The following GLRA3 variants were observed in gnomAD, a reference collection of about 807,000 sequenced individuals.
GLRA3 encodes glycine receptor subunit alpha-3.
A neutral mutation model predicts 60.4 loss-of-function variants in GLRA3; 44 were observed. That is an observed-to-expected ratio of 0.73 (90% CI 0.57 to 0.94). GLRA3 has a LOEUF of 0.94. GLRA3 is among the 40% of genes least tolerant of loss of function. The pLI, the probability that GLRA3 is intolerant of heterozygous loss-of-function variation, is 0.00. For missense variants in GLRA3, 508 were observed against 564.6 expected, an observed-to-expected ratio of 0.90 and a Z score of 1.02; for synonymous variants, 223 against 192.9, an observed-to-expected ratio of 1.16 and a Z score of -1.29.
rs1732676751 is a variant in GLRA3, at chr4:174,643,147, CTT to C, written c.*637_*638del. 2.4e-5 allele frequency: 21 copies of C among 871,308 alleles called. No individual in the cohort carries two copies. Among genetic ancestry groups the C allele is most frequent in the Non-Finnish European group, 2.9e-5 (21 of 726,892 alleles). The allele number at this position is 871,308 out of a possible 1,614,324, so 54.0% of individuals were successfully genotyped here. ...GTAGATTGTGACTGTAACACGATCT[CTT>C]GTTATTTGTTTTAAATTTGCACAGA... On this transcript the variant is annotated 3_prime_UTR_variant, in exon 10 of 10. Coordinates refer to ENST00000274093, the MANE Select transcript of GLRA3 (RefSeq NM_006529.4).
chr4:174,684,845 TA>T (rs1159610713), intron 5 of GLRA3, among the ~76,000 whole-genome samples: 2 of 151,988 alleles, frequency 1.3e-5, no homozygotes, highest in African/African-American at 4.8e-5. Context: ...CCGTTTCTAC[TA>T]AAAAACACAA....
chr4:174,785,364 G>A (rs1207288131), intron 2 of GLRA3, among the ~76,000 whole-genome samples: 2 of 151,242 alleles, frequency 1.3e-5, no homozygotes, highest in African/African-American at 4.9e-5. Flanking sequence ...TCAATATAAA[G>A]ATACTTGTGA....
At chr4:174,706,962 G>A (rs1323917223) in intron 5 of GLRA3, among the ~76,000 whole-genome samples, 1 of 152,112 alleles carries the variant, frequency 6.6e-6, no homozygotes, top group Non-Finnish European at 1.5e-5. Context: ...GGTCATAAAG[G>A]AAAAGCCATG....
intron 1 of GLRA3, 128 bp downstream of exon 1, chr4:174,828,613 G>T: frequency 1.5e-6 from 1 of 654,474 alleles, no homozygotes. Flanking sequence ...AAAACAATAC[G>T]ATTAAATTGA....
intron 2 of GLRA3, among the ~76,000 whole-genome samples, chr4:174,771,586 G>A (rs2111249500): frequency 6.6e-6 from 1 of 152,102 alleles, no homozygotes; most frequent in Middle Eastern, 3.4e-3. Context: ...TAATTCACCT[G>A]TAAATAAAAT....
At chr4:174,681,254 T>C (rs1734330505) in intron 6 of GLRA3, among the ~76,000 whole-genome samples, 1 of 152,162 alleles carries the variant, frequency 6.6e-6, no homozygotes. Context: ...TAAGGAAGTG[T>C]CTTGAGACCC....
intron 1 of GLRA3, among the ~76,000 whole-genome samples, chr4:174,813,937 C>T (rs1298211646): frequency 2.0e-5 from 3 of 152,138 alleles, no homozygotes; most frequent in Non-Finnish European, 4.4e-5. Context: ...CTCGTTTACT[C>T]AGCCCACAGC....
At chr4:174,825,173 T>G (rs561247265) in intron 1 of GLRA3, among the ~76,000 whole-genome samples, 1 of 152,252 alleles carries the variant, frequency 6.6e-6, no homozygotes, top group African/African-American at 2.4e-5. Context: ...CAAAGATTTT[T>G]TTAAAACTAT....
At chr4:174,751,886 A>T (rs1737502153) in intron 3 of GLRA3, among the ~76,000 whole-genome samples, 1 of 152,134 alleles carries the variant, frequency 6.6e-6, no homozygotes, top group Admixed American at 6.6e-5. Context: ...CATCTGAAGT[A>T]CTAAAATTTC....
At chr4:174,666,755 TATATTATATA>T (rs1210785880) in intron 7 of GLRA3, among the ~76,000 whole-genome samples, 8 of 124,416 alleles carry the variant, frequency 6.4e-5, no homozygotes, top group African/African-American at 1.9e-4. Flanking sequence ...TATATATATA[TATATTATATA>T]TATATATATA....
intron 1 of GLRA3, among the ~76,000 whole-genome samples, chr4:174,815,030 G>T (rs576759086): frequency 6.6e-6 from 1 of 152,158 alleles, no homozygotes; most frequent in Admixed American, 6.5e-5. Context: ...AAAATCAAAA[G>T]CAAGCTAGTT....
At chr4:174,779,470 T>C (rs1038316084) in intron 2 of GLRA3, among the ~76,000 whole-genome samples, 1 of 152,160 alleles carries the variant, frequency 6.6e-6, no homozygotes, top group Admixed American at 6.5e-5. Flanking sequence ...GGAGAATGAC[T>C]TTGACGAGCT....
chr4:174,800,907 T>A (rs1201080586), intron 1 of GLRA3, among the ~76,000 whole-genome samples: 1 of 147,738 alleles, frequency 6.8e-6, no homozygotes, highest in Non-Finnish European at 1.5e-5. Flanking sequence ...ATAATACAGA[T>A]TACATCTGTT....
chr4:174,651,231 C>T (rs938382132), intron 9 of GLRA3, among the ~76,000 whole-genome samples: 5 of 152,100 alleles, frequency 3.3e-5, no homozygotes, highest in Non-Finnish European at 5.9e-5. Flanking sequence ...ATCCCATCTG[C>T]CCAGAGAGCA....
intron 1 of GLRA3, among the ~76,000 whole-genome samples, chr4:174,819,989 G>A (rs1456542207): frequency 6.6e-6 from 1 of 152,126 alleles, no homozygotes; most frequent in African/African-American, 2.4e-5. Flanking sequence ...ATATGAAATA[G>A]CAATTTTCTA....
chr4:174,741,196 T>A (rs6851653), intron 3 of GLRA3, among the ~76,000 whole-genome samples: 30,137 of 152,152 alleles, frequency 0.2, 4,396 homozygotes, highest in African/African-American at 0.41. Context: ...TTCCGTCAAT[T>A]ATATATGAGA....
chr4:174,642,848 C>T lies in GLRA3; in HGVS notation c.*938G>A. The T allele has an allele frequency of 1.4e-6, 1 of 733,136 alleles. No homozygotes were observed. The highest frequency in any genetic ancestry group is 1.7e-6 in the Non-Finnish European group (1 of 600,202). The allele number at this position is 733,136 out of a possible 1,614,324, so 45.4% of individuals were successfully genotyped here. A position where few individuals can be genotyped will look rare whatever the true frequency, so the allele number is the denominator to read the frequency against. On this transcript the variant is annotated 3_prime_UTR_variant, in exon 10 of 10. Transcript: ENST00000274093. ...TTGTTTTCATTGTATTCATTTTTATCAAAATGTAAATACTTTAATCCCATT... is the reference window on the plus strand; with the variant it reads ...TTGTTTTCATTGTATTCATTTTTATTAAAATGTAAATACTTTAATCCCATT...
intron 4 of GLRA3, among the ~76,000 whole-genome samples, chr4:174,724,232 C>A (rs540537979): frequency 6.6e-6 from 1 of 151,748 alleles, no homozygotes; most frequent in East Asian, 1.9e-4. Flanking sequence ...ATATATAGGC[C>A]CTTTTTTGTT....
intron 5 of GLRA3, chr4:174,712,385 A>T (rs1018665453): frequency 2.6e-5 from 4 of 152,270 alleles, no homozygotes; most frequent in African/African-American, 9.6e-5. Flanking sequence ...TTCTTGAAAC[A>T]GAGACTTTTT....
Sources: gnomAD v4.1 joint callset for allele counts (sites outside exome capture counted in the v4.1 genomes callset) on GRCh38, gnomAD v4.1.1 for gene constraint, MANE v1.5 for transcripts, NCBI Gene and HGNC (gene_info 2026-07-23, HGNC 2026-07-21) for gene names.